The following NOTCH2 variants were observed in gnomAD, a reference collection of about 807,000 sequenced individuals.
The protein encoded by NOTCH2 is notch receptor 2, also known as neurogenic locus notch homolog protein 2.
Under a neutral mutation model 235.8 loss-of-function variants are expected in NOTCH2, and 29 were observed. The observed-to-expected ratio is 0.12, with a 90% CI of 0.09 to 0.17. The LOEUF is 0.17. Among genes scored for constraint, NOTCH2 ranks in the 10% least tolerant of loss-of-function variants. NOTCH2 has a pLI of 1.00. For missense variants in NOTCH2, 2,285 were observed against 3,150.2 expected (o/e 0.73, Z 6.57); for synonymous variants, 1,086 against 1,141.5 (o/e 0.95, Z 0.98).
At chr1:120,039,467 G>A (rs1384144075) in intron 1 of NOTCH2, among the ~76,000 whole-genome samples, 1 of 147,916 alleles carries the variant, frequency 6.8e-6, no homozygotes, top group Non-Finnish European at 1.5e-5. Flanking sequence ...GGAGTGCAGT[G>A]GCGCAATCTC....
chr1:119,926,057 C>A (rs967660688), intron 24 of NOTCH2, among the ~76,000 whole-genome samples: 15 of 152,184 alleles, frequency 9.9e-5, no homozygotes, highest in Non-Finnish European at 1.9e-4. Flanking sequence ...TTGAGCTTCC[C>A]TCTACTTTAA....
intron 5 of NOTCH2, among the ~76,000 whole-genome samples, chr1:119,973,746 G>A (rs1316402402): frequency 6.6e-6 from 1 of 152,156 alleles, no homozygotes. Flanking sequence ...ATCACCTAGA[G>A]GTCTTAACGT....
rs2101148174 is a variant in NOTCH2 at position 119,918,508 on chromosome 1, C to T, written c.5827G>A (p.Asp1943Asn). Residue 1943 changes from aspartate (D) to asparagine (N), a missense_variant, in exon 32 of 34, where the codon GAT (aspartate) becomes AAT (asparagine). Coordinates refer to ENST00000256646, the MANE Select transcript of NOTCH2 (RefSeq NM_024408.4). ...RVTDLDARMNDGTTPLILAAR... is the reference protein window; with the variant it reads ...RVTDLDARMNNGTTPLILAAR... ...GCCAGGATCAGGGGTGTAGTACCATCATTCATCCTGGCATCTAGATCAGTT... is the reference window on the plus strand; with the variant it reads ...GCCAGGATCAGGGGTGTAGTACCATTATTCATCCTGGCATCTAGATCAGTT... 1 of 1,614,170 alleles carries T rather than the reference C, an allele frequency of 6.2e-7. No individual in the cohort carries two copies. Among genetic ancestry groups the T allele is most frequent in the Non-Finnish European group, 8.5e-7 (1 of 1,180,038 alleles).
chr1:119,959,186 C>T (rs782042175), intron 12 of NOTCH2, among the ~76,000 whole-genome samples: 1 of 152,052 alleles, frequency 6.6e-6, no homozygotes. Flanking sequence ...AACACATAAT[C>T]GAAAAACTCT....
Position 119,937,896 on chromosome 1 carries a change from C to G in NOTCH2, c.3298G>C (p.Val1100Leu), listed in dbSNP as rs782536553. The G allele has an allele frequency of 1.2e-6, 2 of 1,614,214 alleles. No homozygotes were observed. Among genetic ancestry groups the G allele is most frequent in the Non-Finnish European group, 1.7e-6 (2 of 1,180,042 alleles). Reference protein sequence around the residue: ...PSGWAGAYCDVPNVSCDIAAS... With the variant: ...PSGWAGAYCDLPNVSCDIAAS... Reference sequence around the variant, plus strand: ...GCTATGTCACAAGAGACATTGGGCACGTCACAATAGGCACCAGCCCATCCA... The same window carrying G: ...GCTATGTCACAAGAGACATTGGGCAGGTCACAATAGGCACCAGCCCATCCA... The change falls in exon 20 of 34, where the codon GTG becomes CTG. Residue 1100 changes from valine to leucine, a missense_variant. By Grantham distance (32) the Val-to-Leu change is conservative (BLOSUM62 1). This residue lies in a region of NOTCH2 where 1,173 missense variants were observed against 1,515.3 expected (regional missense o/e 0.77). Coordinates refer to ENST00000256646, the MANE Select transcript of NOTCH2 (RefSeq NM_024408.4).
intron 13 of NOTCH2, 98 bp from the exon 14 acceptor site, chr1:119,953,786 T>A: frequency 9.6e-7 from 1 of 1,042,124 alleles, no homozygotes; most frequent in South Asian, 1.3e-5. Context: ...GGTAAACTGA[T>A]CTCATTTCTA....
intron 32 of NOTCH2, among the ~76,000 whole-genome samples, 173 bp from the exon 33 acceptor site, chr1:119,917,935 T>C (rs1403082855): frequency 6.6e-6 from 1 of 152,182 alleles, no homozygotes; most frequent in Non-Finnish European, 1.5e-5. Context: ...CTAGAAATAC[T>C]TCAGTACAGG....
intron 5 of NOTCH2, among the ~76,000 whole-genome samples, chr1:119,972,109 T>C (rs1428470377): frequency 2.2e-4 from 18 of 83,124 alleles, no homozygotes; most frequent in African/African-American, 8.7e-4. Context: ...TGGAGGGAGG[T>C]GAGAAAGGGA....
rs775412281 is a variant in NOTCH2, at chr1:119,923,764, G to A, written c.4732C>T (p.Arg1578Cys). The A allele has an allele frequency of 2.2e-5, 35 of 1,614,038 alleles. No homozygotes were observed. The highest frequency in any genetic ancestry group is 4.5e-5 in the East Asian group (2 of 44,890). The change falls in exon 26 of 34, where the codon CGC becomes TGC. Residue 1578 changes from arginine (R) to cysteine (C), a missense_variant. Physicochemically the swap from Arg to Cys is radical, Grantham distance 180 (BLOSUM62 -3). This residue lies in a region of NOTCH2 where 1,173 missense variants were observed against 1,515.3 expected (regional missense o/e 0.77). Coordinates refer to ENST00000256646, the MANE Select transcript of NOTCH2 (RefSeq NM_024408.4). ...ALGTLLHTNL[R>C]IKRDSQGELM... is the part of the protein sequence containing the mutation. Reference sequence around the variant, plus strand: ...TCCCCCTGGGAGTCCCGCTTAATGCGCAGGTTGGTGTGGAGCAGGGTACCC... The same window carrying A: ...TCCCCCTGGGAGTCCCGCTTAATGCACAGGTTGGTGTGGAGCAGGGTACCC...
At chr1:119,981,759 G>A (rs1252615488) in intron 5 of NOTCH2, among the ~76,000 whole-genome samples, 1 of 152,112 alleles carries the variant, frequency 6.6e-6, no homozygotes, top group Non-Finnish European at 1.5e-5. Context: ...TTTGGGGTGA[G>A]GAGGTAGAAT....
At chr1:120,023,149 T>C (rs1350542962) in intron 2 of NOTCH2, among the ~76,000 whole-genome samples, 5 of 152,136 alleles carry the variant, frequency 3.3e-5, no homozygotes, top group Admixed American at 1.3e-4. Flanking sequence ...AAAAAACCTA[T>C]GTCCTCAGCT....
At chr1:119,999,104 G>T (rs1553204827) in intron 3 of NOTCH2, among the ~76,000 whole-genome samples, 1 of 137,684 alleles carries the variant, frequency 7.3e-6, no homozygotes, top group Non-Finnish European at 1.5e-5. Flanking sequence ...GGACATTTGG[G>T]TTGGTTCCAA....
chr1:119,939,053 G>A (rs587601578), intron 19 of NOTCH2, among the ~76,000 whole-genome samples: 1 of 152,158 alleles, frequency 6.6e-6, no homozygotes, highest in East Asian at 1.9e-4. Context: ...TGGCACAATG[G>A]GACAATGTAG....
intron 28 of NOTCH2, 132 bp from the exon 29 acceptor site, chr1:119,921,941 G>C: frequency 1.2e-6 from 1 of 815,884 alleles, no homozygotes; most frequent in South Asian, 1.5e-5. Flanking sequence ...AGAGAAGATG[G>C]GCAGTATTTT....
At position 119,911,645 on chromosome 1, in the gene NOTCH2, T is replaced by TA. The variant is rs1648900861; in HGVS notation, c.*3660dup. The stretch of plus-strand genomic sequence containing the variant: ...CACAAAATATTATTTTATAATCCTG[T>TA]ATATTAAGTTCTACACAAATTTCAC... On this transcript the variant is annotated 3_prime_UTR_variant, in exon 34 of 34. Transcript: ENST00000256646. The TA allele has an allele frequency of 4.3e-6, 1 of 232,758 alleles. No individual in the cohort carries two copies. Among genetic ancestry groups the TA allele is most frequent in the East Asian group, 6.1e-5 (1 of 16,416 alleles). The allele number at this position is 232,758 out of a possible 1,614,324, so 14.4% of individuals were successfully genotyped here.
In NOTCH2 at chr1:119,955,158, C is replaced by A. The variant is rs1379549129; in HGVS notation, c.2101G>T (p.Val701Leu). Residue 701 changes from valine to leucine, a missense_variant, in exon 13 of 34, where the codon GTG becomes TTG. By Grantham distance (32) the Val-to-Leu change is conservative (BLOSUM62 1). Around this residue, in one of 6 missense-constraint regions of NOTCH2, gnomAD observed 1,173 missense variants for 1,515.3 expected, o/e 0.77. Transcript: ENST00000256646. ...CRKGATCING[V>L]NGFRCICPEG... ...GGGCATATACAGCGGAAACCATTCA[C>A]ACCGTTGATACATGTTGCACCCTTG... The A allele has an allele frequency of 6.2e-7, 1 of 1,614,036 alleles. No homozygotes were observed. The highest frequency in any genetic ancestry group is 1.7e-5 in the Admixed American group (1 of 60,006).
In NOTCH2 at chr1:119,953,481, A is replaced by G. The variant is rs1650563950; in HGVS notation, c.2365+62T>C. On this transcript the variant is annotated intron_variant, in intron 14 of 33. Transcript: ENST00000256646. Reference sequence around the variant, plus strand: ...AGAAAAGGAAACTAAGAAGTGAGTCAAGCAGTATGCAACAACAAGAAGACA... The same window carrying G: ...AGAAAAGGAAACTAAGAAGTGAGTCGAGCAGTATGCAACAACAAGAAGACA... The G allele has an allele frequency of 1.9e-6, 3 of 1,546,868 alleles. No individual in the cohort carries two copies. In the Admixed American group the frequency reaches 5.0e-5, roughly 26 times the overall value.
intron 27 of NOTCH2, 39 bp downstream of exon 27, chr1:119,922,597 T>A: frequency 2.5e-6 from 4 of 1,613,026 alleles, no homozygotes; most frequent in East Asian, 2.2e-5. Flanking sequence ...TTGACACTCT[T>A]CCCCCGCCAC....
intron 2 of NOTCH2, among the ~76,000 whole-genome samples, chr1:120,025,519 G>T (rs1323913953): frequency 7.0e-6 from 1 of 142,678 alleles, no homozygotes; most frequent in African/African-American, 2.6e-5. Context: ...ATAGGATCAA[G>T]ATGATCTGCC....
Sources: allele counts gnomAD v4.1 joint callset (sites outside exome capture counted in the v4.1 genomes callset), GRCh38; gene constraint gnomAD v4.1.1; regional missense constraint gnomAD v4.1.1; transcripts MANE v1.5; gene names NCBI Gene and HGNC (gene_info 2026-07-23, HGNC 2026-07-21).